The following DLG2 variants were observed in gnomAD, a reference collection of about 807,000 sequenced individuals.
DLG2 encodes the protein discs large MAGUK scaffold protein 2.
A neutral mutation model predicts 132.5 loss-of-function variants in DLG2; 45 were observed. That is an observed-to-expected ratio of 0.34 (90% CI 0.27 to 0.44). The LOEUF is 0.44. DLG2 is among the 20% of genes least tolerant of loss of function. The pLI is 1.00. For missense variants in DLG2, 1,045 were observed against 1,196.9 expected, an observed-to-expected ratio of 0.87 and a Z score of 1.87; for synonymous variants, 424 against 419.6, an observed-to-expected ratio of 1.01 and a Z score of -0.13.
intron 3 of DLG2, among the ~76,000 whole-genome samples, chr11:85,577,238 A>G (rs2078211068): frequency 6.6e-6 from 1 of 152,124 alleles, no homozygotes; most frequent in Non-Finnish European, 1.5e-5. Flanking sequence ...AAACAAATGG[A>G]TACAGTTAAG....
intron 2 of DLG2, among the ~76,000 whole-genome samples, chr11:85,608,331 G>A (rs1565755040): frequency 6.6e-6 from 1 of 151,924 alleles, no homozygotes; most frequent in East Asian, 1.9e-4. Flanking sequence ...TCTGCACTAT[G>A]GTCTGGCCCC....
chr11:85,388,544 A>G (rs1353981302), intron 3 of DLG2, among the ~76,000 whole-genome samples: 1 of 152,160 alleles, frequency 6.6e-6, no homozygotes, highest in Non-Finnish European at 1.5e-5. Context: ...CAAGCACCAC[A>G]AAACCAGAGC....
chr11:84,786,117 A>G (rs1042876629), intron 6 of DLG2, among the ~76,000 whole-genome samples: 3 of 152,162 alleles, frequency 2.0e-5, no homozygotes, highest in Admixed American at 1.3e-4. Flanking sequence ...AAAATATATC[A>G]TCATCATGAT....
intron 9 of DLG2, among the ~76,000 whole-genome samples, chr11:84,151,161 T>C (rs2095281333): frequency 6.6e-6 from 1 of 152,010 alleles, no homozygotes; most frequent in Non-Finnish European, 1.5e-5. Context: ...CTAGATTTTT[T>C]TGGAACAGTT....
At chr11:85,008,383 G>T (rs547436606) in intron 6 of DLG2, among the ~76,000 whole-genome samples, 2 of 152,106 alleles carry the variant, frequency 1.3e-5, no homozygotes, top group Admixed American at 1.3e-4. Context: ...ATATTTCTCT[G>T]AATCGTAGTT....
chr11:84,703,866 A>ATATATATG (rs1555174824), intron 6 of DLG2, among the ~76,000 whole-genome samples: 2 of 118,364 alleles, frequency 1.7e-5, no homozygotes, highest in African/African-American at 8.9e-5. Flanking sequence ...AGATATATAT[A>ATATATATG]TATATATATA....
In DLG2 at chr11:83,736,513, G is replaced by A. The variant is rs561078944; in HGVS notation, c.1825+50177C>T. 2.0e-5 allele frequency among the ~76,000 whole-genome samples: 3 copies of A among 152,162 alleles called. 1 individual carries two copies. The highest frequency in any genetic ancestry group is 2.0e-4 in the Admixed American group (3 of 15,266). On this transcript the variant is annotated intron_variant, in intron 18 of 27. Transcript: ENST00000376104. The stretch of plus-strand genomic sequence containing the variant: ...GGCAAGATTGGCTATTTATTTGTTT[G>A]ACTGACATTTGGCTTTATTGTTTAC...
rs539806982 is a variant in DLG2, at chr11:84,728,132, T to C, written c.358-193401A>G. Among the ~76,000 whole-genome samples the C allele has an allele frequency of 6.4e-4, 98 of 152,300 alleles. 3 individuals are homozygous for C. The highest frequency in any genetic ancestry group is 1.9e-3 in the African/African-American group (81 of 41,570). Reference sequence around the variant, plus strand: ...CCAGAACTTCCAACACTATGTTGAATAGGAGTGGTGAGAGAGGGCATCCTT... The same window carrying C: ...CCAGAACTTCCAACACTATGTTGAACAGGAGTGGTGAGAGAGGGCATCCTT... On this transcript the variant is annotated intron_variant, in intron 6 of 27. Coordinates refer to ENST00000376104, the MANE Select transcript of DLG2 (RefSeq NM_001142699.3).
chr11:85,029,250 C>T (rs566292730), intron 6 of DLG2, among the ~76,000 whole-genome samples: 13 of 150,788 alleles, frequency 8.6e-5, no homozygotes, highest in Admixed American at 3.3e-4. Flanking sequence ...GATGAAACAA[C>T]GTAAACTGCC....
intron 22 of DLG2, chr11:83,480,744 A>G (rs2093036707): frequency 4.7e-6 from 4 of 849,014 alleles, no homozygotes; most frequent in African/African-American, 3.4e-5. Flanking sequence ...TTATGTGACA[A>G]TGACTAGTAT....
At chr11:83,788,382 G>C (rs961362583) in intron 17 of DLG2, among the ~76,000 whole-genome samples, 5 of 152,124 alleles carry the variant, frequency 3.3e-5, no homozygotes, top group African/African-American at 9.7e-5. Flanking sequence ...GGTAACATTG[G>C]GGAGTCCACT....
chr11:84,622,219 T>C (rs547143913), intron 6 of DLG2, among the ~76,000 whole-genome samples: 2 of 152,256 alleles, frequency 1.3e-5, no homozygotes, highest in Non-Finnish European at 2.9e-5. Flanking sequence ...GAAAAAAATA[T>C]TTATATTTTG....
chr11:85,557,664 T>A (rs61114547), intron 3 of DLG2, among the ~76,000 whole-genome samples: 40,737 of 151,428 alleles, frequency 0.27, 6,839 homozygotes, highest in African/African-American at 0.43. Context: ...ACCTGCAGCC[T>A]TCTGATCTTT....
chr11:85,545,439 C>T (rs1007710514), intron 3 of DLG2, among the ~76,000 whole-genome samples: 5 of 151,988 alleles, frequency 3.3e-5, no homozygotes, highest in East Asian at 1.9e-4. Context: ...GGATATTAGC[C>T]GGAAATTTTC....
At chr11:85,376,706 G>A (rs1486175674) in intron 3 of DLG2, among the ~76,000 whole-genome samples, 1 of 152,110 alleles carries the variant, frequency 6.6e-6, no homozygotes, top group Non-Finnish European at 1.5e-5. Context: ...TCAAGTATAA[G>A]TACTGGAAAA....
At chr11:84,115,272 T>C (rs2154196047) in intron 9 of DLG2, among the ~76,000 whole-genome samples, 1 of 152,332 alleles carries the variant, frequency 6.6e-6, no homozygotes, top group South Asian at 2.1e-4. Flanking sequence ...CAAACAATTC[T>C]AACTTCAGAG....
intron 11 of DLG2, among the ~76,000 whole-genome samples, chr11:84,032,479 G>A (rs944508035): frequency 6.6e-6 from 1 of 152,202 alleles, no homozygotes. Flanking sequence ...AAGAGGTGAG[G>A]AAACTGCAGA....
chr11:83,664,658 A>G (rs906585186), intron 18 of DLG2, among the ~76,000 whole-genome samples: 2 of 152,180 alleles, frequency 1.3e-5, no homozygotes, highest in African/African-American at 4.8e-5. Context: ...CAGATGCTCA[A>G]TGAATATTTG....
At chr11:85,080,410 C>T (rs1237174753) in intron 6 of DLG2, among the ~76,000 whole-genome samples, 2 of 152,024 alleles carry the variant, frequency 1.3e-5, no homozygotes, top group Non-Finnish European at 2.9e-5. Flanking sequence ...AAAGAAAACT[C>T]ATGGGTAGCT....
Sources: allele counts gnomAD v4.1 joint callset (sites outside exome capture counted in the v4.1 genomes callset), GRCh38; gene constraint gnomAD v4.1.1; transcripts MANE v1.5; gene names NCBI Gene and HGNC (gene_info 2026-07-23, HGNC 2026-07-21).